MYO5B: variants seen among roughly 807,000 people sequenced by gnomAD.
MYO5B encodes the protein myosin VB.
A neutral mutation model predicts 229.3 loss-of-function variants in MYO5B; 143 were observed. The observed-to-expected ratio is 0.62, with a 90% CI of 0.54 to 0.72. The LOEUF is 0.72. Among genes scored for constraint, MYO5B ranks in the 30% least tolerant of loss-of-function variants. The probability of loss-of-function intolerance (pLI) is 0.00; values close to 1 mark genes in which losing one functional copy is unlikely to be tolerated. For synonymous variants in MYO5B, 918 were observed against 885.2 expected (o/e 1.04, Z -0.66); for missense variants, 2,321 against 2,331.0 (o/e 1.00, Z 0.09).
In MYO5B at chr18:49,825,190, G is replaced by A. The variant is rs1299458886; in HGVS notation, c.*1281C>T. On this transcript the variant is annotated 3_prime_UTR_variant, in exon 40 of 40. Transcript: ENST00000285039. ...AGAAAAGACAGTAAAAAAAAGTGTG[G>A]AAAGAATATGGGTTTCCAATTGAAT... 2.6e-5 allele frequency: 4 copies of A among 152,112 alleles called. No homozygotes were observed. Among genetic ancestry groups the A allele is most frequent in the Admixed American group, 1.3e-4 (2 of 15,268 alleles). 9.4% of individuals were successfully genotyped at this position (152,112 alleles called of 1,614,324 possible). A position where few individuals can be genotyped will look rare whatever the true frequency, so the allele number is the denominator to read the frequency against.
At chr18:50,107,433 C>T (rs901387034) in intron 1 of MYO5B, among the ~76,000 whole-genome samples, 1 of 152,064 alleles carries the variant, frequency 6.6e-6, no homozygotes, top group Non-Finnish European at 1.5e-5. Flanking sequence ...CAGCTCCTCC[C>T]GCCACAACCA....
chr18:49,967,060 G>C (rs1284987042), intron 10 of MYO5B, among the ~76,000 whole-genome samples: 2 of 152,216 alleles, frequency 1.3e-5, no homozygotes, highest in African/African-American at 4.8e-5. Flanking sequence ...AATTTCTCTT[G>C]TAAAATCAGT....
intron 27 of MYO5B, among the ~76,000 whole-genome samples, chr18:49,865,068 A>T (rs2024380622): frequency 6.6e-6 from 1 of 152,200 alleles, no homozygotes; most frequent in African/African-American, 2.4e-5. Context: ...TCACACACAA[A>T]CTGCCGGCAG....
chr18:50,082,076 G>C (rs2031233039), intron 1 of MYO5B, among the ~76,000 whole-genome samples: 1 of 152,236 alleles, frequency 6.6e-6, no homozygotes, highest in Non-Finnish European at 1.5e-5. Flanking sequence ...AAACAGTTGA[G>C]ATTGGCAGCT....
chr18:50,015,905 C>T (rs1232569831), intron 4 of MYO5B, among the ~76,000 whole-genome samples: 6 of 152,226 alleles, frequency 3.9e-5, no homozygotes. Flanking sequence ...TATTAAGATT[C>T]TTGCTGGAAC....
chr18:49,897,798 CAGGAGTGGACAGTTTATAAAGTCGAT>C lies in MYO5B; in HGVS notation c.2812-2650_2812-2625del, dbSNP rs1216110473. Among the ~76,000 whole-genome samples the C allele has an allele frequency of 3.9e-5, 6 of 152,212 alleles. No individual in the cohort carries two copies. In the East Asian group the frequency reaches 7.7e-4, roughly 20 times the overall value. On this transcript the variant is annotated intron_variant, in intron 21 of 39. Coordinates refer to ENST00000285039, the MANE Select transcript of MYO5B (RefSeq NM_001080467.3). Reference sequence around the variant, plus strand: ...CTAAGTGTACGGCTTATAAAGTCTACAGGAGTGGACAGTTTATAAAGTCGATAGGAGTGGACAGTTTATAAAGTCTA... The same window carrying C: ...CTAAGTGTACGGCTTATAAAGTCTACAGGAGTGGACAGTTTATAAAGTCTA...
intron 14 of MYO5B, among the ~76,000 whole-genome samples, chr18:49,939,268 C>A (rs1475645298): frequency 6.6e-6 from 1 of 150,584 alleles, no homozygotes; most frequent in Admixed American, 6.7e-5. Context: ...GCCTCAGTGT[C>A]CCCAGTAGCT....
intron 1 of MYO5B, among the ~76,000 whole-genome samples, chr18:50,192,358 A>G (rs1433327476): frequency 6.6e-6 from 1 of 152,208 alleles, no homozygotes; most frequent in Non-Finnish European, 1.5e-5. Context: ...TCCCAGTACA[A>G]TCCTGAAGAC....
chr18:49,843,854 G>A (rs545941380), intron 33 of MYO5B, among the ~76,000 whole-genome samples: 3 of 152,312 alleles, frequency 2.0e-5, no homozygotes, highest in South Asian at 4.1e-4. Context: ...TAGACAAATT[G>A]TATGTGCCCA....
chr18:50,090,461 T>C (rs1266142497), intron 1 of MYO5B, among the ~76,000 whole-genome samples: 1 of 151,968 alleles, frequency 6.6e-6, no homozygotes, highest in Non-Finnish European at 1.5e-5. Context: ...ATGACAGCCA[T>C]AGAATATTAG....
At chr18:50,144,022 C>T (rs576017493) in intron 1 of MYO5B, among the ~76,000 whole-genome samples, 2 of 152,292 alleles carry the variant, frequency 1.3e-5, no homozygotes, top group African/African-American at 4.8e-5. Flanking sequence ...GCTGGTGAGG[C>T]AAGCTGCACT....
At chr18:50,039,147 A>G (rs1568081282) in intron 3 of MYO5B, among the ~76,000 whole-genome samples, 1 of 152,306 alleles carries the variant, frequency 6.6e-6, no homozygotes, top group East Asian at 1.9e-4. Context: ...GGACAAGACC[A>G]CAAAGGAGCG....
chr18:50,007,098 C>T (rs971097616), intron 4 of MYO5B, among the ~76,000 whole-genome samples: 1 of 152,170 alleles, frequency 6.6e-6, no homozygotes, highest in Non-Finnish European at 1.5e-5. Flanking sequence ...CCTCAAACAC[C>T]AGGTTCTATC....
chr18:49,879,055 T>TGAG lies in MYO5B; in HGVS notation c.3163_3165dup (p.Leu1055dup), dbSNP rs397841722. Reference sequence around the variant, plus strand: ...CGCTCCTCCTCCAGTTCTTTCTTCATGAGATTTTCCTTCACAGAGTTCTGG... The same window carrying TGAG: ...CGCTCCTCCTCCAGTTCTTTCTTCATGAGGAGATTTTCCTTCACAGAGTTCTGG... On this transcript the variant is annotated inframe_insertion, in exon 24 of 40. Coordinates refer to ENST00000285039, the MANE Select transcript of MYO5B (RefSeq NM_001080467.3). 0.3 allele frequency: 490,381 copies of TGAG among 1,613,342 alleles called. 78,462 individuals are homozygous for TGAG. The highest frequency in any genetic ancestry group is 0.5 in the East Asian group (22,472 of 44,842).
intron 3 of MYO5B, among the ~76,000 whole-genome samples, chr18:50,037,647 C>G (rs1344478291): frequency 6.6e-6 from 1 of 152,152 alleles, no homozygotes; most frequent in Non-Finnish European, 1.5e-5. Context: ...TGCCTGTAAT[C>G]CCAGCACTTT....
At position 49,862,612 on chromosome 18, in the gene MYO5B, G is replaced by A. The variant is rs16951161; in HGVS notation, c.3944+615C>T. ...GGTCTGCGTTCTGTCTGCTGACAAC[G>A]CTTGGCCCTGCTGCTGCCCTCAGAC... On this transcript the variant is annotated intron_variant, in intron 29 of 39. Coordinates refer to ENST00000285039, the MANE Select transcript of MYO5B (RefSeq NM_001080467.3). 6.7e-3 allele frequency among the ~76,000 whole-genome samples: 1,018 copies of A among 152,280 alleles called. 12 individuals carry two copies. The highest frequency in any genetic ancestry group is 0.022 in the African/African-American group (920 of 41,556).
intron 1 of MYO5B, among the ~76,000 whole-genome samples, chr18:50,158,829 C>T (rs1483480643): frequency 6.6e-6 from 1 of 152,180 alleles, no homozygotes; most frequent in African/African-American, 2.4e-5. Flanking sequence ...CCTCCTGGCA[C>T]ATTGTGGAAA....
At chr18:50,055,235 A>ACCCCCCCCCCCCCCCCCCCCCCCCCCTCC in intron 2 of MYO5B, 33 bp downstream of exon 2, 1 of 353,290 alleles carries the variant, frequency 2.8e-6, no homozygotes, top group Non-Finnish European at 5.7e-6. Context: ...GCCCCACCTC[A>ACCCCCCCCCCCCCCCCCCCCCCCCCCTCC]CCCCCGCCCC....
chr18:50,133,261 T>C (rs1405093088), intron 1 of MYO5B, among the ~76,000 whole-genome samples: 1 of 133,498 alleles, frequency 7.5e-6, no homozygotes, highest in East Asian at 2.2e-4. Flanking sequence ...CTGTCTTCTC[T>C]AGTGCTCTCC....
Sources: allele counts gnomAD v4.1 joint callset (sites outside exome capture counted in the v4.1 genomes callset), GRCh38; gene constraint gnomAD v4.1.1; transcripts MANE v1.5; gene names NCBI Gene and HGNC (gene_info 2026-07-23, HGNC 2026-07-21).